Variants in ARMH4 observed in about 807,000 individuals in gnomAD.
ARMH4 encodes armadillo like helical domain containing 4, also known as armadillo-like helical domain-containing protein 4.
A neutral mutation model predicts 61.9 loss-of-function variants in ARMH4; 49 were observed. That is an observed-to-expected ratio of 0.79 (90% confidence interval 0.63 to 1.00). The LOEUF (loss-of-function observed/expected upper bound fraction) is 1.00, where lower values mean the gene tolerates loss of function less well. Among genes scored for constraint, ARMH4 ranks in the 50% least tolerant of loss-of-function variants. The pLI is 0.00. For missense variants in ARMH4, 934 were observed against 930.0 expected (o/e 1.00, Z -0.06); for synonymous variants, 368 against 341.5 (o/e 1.08, Z -0.85).
chr14:58,142,550 C>A (rs115621565), intron 1 of ARMH4, among the ~76,000 whole-genome samples: 22 of 151,830 alleles, frequency 1.4e-4, no homozygotes, highest in African/African-American at 5.3e-4. Flanking sequence ...CAGTGCGAGT[C>A]ACTCACTGCA....
chr14:58,119,285 T>C (rs933225370), intron 4 of ARMH4, among the ~76,000 whole-genome samples: 1 of 152,230 alleles, frequency 6.6e-6, no homozygotes, highest in Non-Finnish European at 1.5e-5. Context: ...TGGTTATGAA[T>C]ACAGCTTGAT....
chr14:58,071,368 A>G (rs1884878118), intron 5 of ARMH4, among the ~76,000 whole-genome samples: 1 of 152,184 alleles, frequency 6.6e-6, no homozygotes, highest in South Asian at 2.1e-4. Context: ...TTTTGAAAAT[A>G]TAATTCATGA....
At chr14:58,081,554 G>A (rs927064892) in intron 5 of ARMH4, among the ~76,000 whole-genome samples, 2 of 150,816 alleles carry the variant, frequency 1.3e-5, no homozygotes, top group Non-Finnish European at 2.9e-5. Flanking sequence ...GGGCTGGAGT[G>A]CAGTGGTGCT....
Position 58,138,242 on chromosome 14 carries a change from C to T in ARMH4, c.1117G>A (p.Glu373Lys). Residue 373 changes from glutamate (E) to lysine (K), a missense_variant, in exon 2 of 8, where the codon GAA becomes AAA. Physicochemically the swap from Glu to Lys is moderately conservative, Grantham distance 56 (BLOSUM62 1). Transcript: ENST00000267485. ...AQVALGLPEG[E>K]THTGTALLIA... ...AGCAGGGCTGTGCCCGTGTGTGTTT[C>T]CCCTTCAGGCAGCCCCAGAGCCACC... 6.2e-7 allele frequency: 1 copy of T among 1,614,236 alleles called. No homozygotes were observed. The highest frequency in any genetic ancestry group is 8.5e-7 in the Non-Finnish European group (1 of 1,180,044).
chr14:58,051,593 C>A (rs1437474063), intron 5 of ARMH4, among the ~76,000 whole-genome samples: 1 of 152,328 alleles, frequency 6.6e-6, no homozygotes, highest in East Asian at 1.9e-4. Flanking sequence ...AGGGTAGAGA[C>A]AACTCTTTGC....
At chr14:58,063,600 TACA>T (rs372093291) in intron 5 of ARMH4, among the ~76,000 whole-genome samples, 95,563 of 151,980 alleles carry the variant, frequency 0.63, 31,936 homozygotes, top group African/African-American at 0.86. Context: ...TGCAAGGCAC[TACA>T]GAAACTACAA....
chr14:58,056,453 C>T (rs1003775163), intron 5 of ARMH4, among the ~76,000 whole-genome samples: 3 of 152,098 alleles, frequency 2.0e-5, no homozygotes, highest in South Asian at 2.1e-4. Flanking sequence ...AAGCTCTTAG[C>T]AAATAAAGTT....
At chr14:58,089,663 T>C (rs914121026) in intron 5 of ARMH4, among the ~76,000 whole-genome samples, 1 of 152,244 alleles carries the variant, frequency 6.6e-6, no homozygotes, top group Admixed American at 6.5e-5. Flanking sequence ...TTCTGCATTT[T>C]TCTAAGGCCT....
intron 4 of ARMH4, among the ~76,000 whole-genome samples, chr14:58,119,996 C>CG (rs35226137): frequency 0.6 from 90,748 of 151,864 alleles, 27,608 homozygotes; most frequent in Middle Eastern, 0.68. Flanking sequence ...ACTTAACAAT[C>CG]GGATACATTC....
intron 5 of ARMH4, among the ~76,000 whole-genome samples, chr14:58,064,877 A>T (rs997814825): frequency 1.3e-5 from 2 of 152,154 alleles, no homozygotes; most frequent in South Asian, 4.1e-4. Flanking sequence ...TGGTTTCAGA[A>T]TTTTTTCAGA....
intron 5 of ARMH4, among the ~76,000 whole-genome samples, chr14:58,087,315 T>C (rs1885415978): frequency 6.6e-6 from 1 of 152,152 alleles, no homozygotes; most frequent in South Asian, 2.1e-4. Context: ...ATGCAGCTGG[T>C]CCAAAGGTTG....
chr14:58,143,971 A>C (rs775138752), intron 1 of ARMH4, among the ~76,000 whole-genome samples: 2 of 151,646 alleles, frequency 1.3e-5, no homozygotes, highest in African/African-American at 4.9e-5. Flanking sequence ...ACAGGGTTTA[A>C]CCATGTTGGC....
At chr14:58,041,123 G>A (rs940609785) in intron 5 of ARMH4, among the ~76,000 whole-genome samples, 2 of 152,178 alleles carry the variant, frequency 1.3e-5, no homozygotes, top group Admixed American at 6.5e-5. Flanking sequence ...CTGCAGGACA[G>A]TGGGTGCAGC....
At chr14:58,011,294 ATAATAT>A (rs774802108) in intron 6 of ARMH4, among the ~76,000 whole-genome samples, 8 of 152,226 alleles carry the variant, frequency 5.3e-5, no homozygotes, top group Non-Finnish European at 1.0e-4. Flanking sequence ...CTGTAGCAAA[ATAATAT>A]TAATAATTCA....
intron 4 of ARMH4, among the ~76,000 whole-genome samples, chr14:58,118,939 C>T (rs375864026): frequency 5.9e-5 from 9 of 152,166 alleles, no homozygotes; most frequent in African/African-American, 2.2e-4. Context: ...GGGAGCAGCA[C>T]CAGGCTCCTG....
At chr14:58,088,054 T>G (rs977314236) in intron 5 of ARMH4, among the ~76,000 whole-genome samples, 1 of 152,220 alleles carries the variant, frequency 6.6e-6, no homozygotes, top group Non-Finnish European at 1.5e-5. Flanking sequence ...GATGGAAGTC[T>G]ATTCATTTTT....
intron 5 of ARMH4, among the ~76,000 whole-genome samples, chr14:58,035,039 C>A (rs1283524189): frequency 7.3e-6 from 1 of 137,498 alleles, no homozygotes; most frequent in Non-Finnish European, 1.6e-5. Flanking sequence ...TAACTCAGCT[C>A]TGCACCAAGC....
rs1887391519 is a variant in ARMH4 at position 58,138,400 on chromosome 14, T to C, written c.959A>G (p.Glu320Gly). Reference sequence around the variant, plus strand: ...GGGGGTCCTTATCCGGCTTACACTCTCTAATTTGGTGTCATCCCACTCATC... The same window carrying C: ...GGGGGTCCTTATCCGGCTTACACTCCCTAATTTGGTGTCATCCCACTCATC... ...LSDEWDDTKL[E>G]SVSRIRTPKL... The change falls in exon 2 of 8, where the codon GAG becomes GGG. Residue 320 changes from glutamate to glycine, a missense_variant. Transcript: ENST00000267485. 3 of 1,614,042 alleles carry C rather than the reference T, an allele frequency of 1.9e-6. No homozygotes were observed. The highest frequency in any genetic ancestry group is 1.6e-4 in the Middle Eastern group (1 of 6,084).
At chr14:58,120,108 G>A (rs186707929) in intron 4 of ARMH4, among the ~76,000 whole-genome samples, 3 of 152,142 alleles carry the variant, frequency 2.0e-5, no homozygotes, top group Admixed American at 1.3e-4. Flanking sequence ...TAGGCTATAA[G>A]GTATAGCCTA....
Sources: allele counts gnomAD v4.1 joint callset (sites outside exome capture counted in the v4.1 genomes callset), GRCh38; gene constraint gnomAD v4.1.1; transcripts MANE v1.5; gene names NCBI Gene and HGNC (gene_info 2026-07-23, HGNC 2026-07-21).